The following ADK variants were observed in gnomAD, a reference collection of about 807,000 sequenced individuals.
ADK encodes adenosine kinase, also known as N6,N6-dimethyladenosine kinase.
Under a neutral mutation model 44.7 loss-of-function variants are expected in ADK, and 24 were observed. The ratio of observed to expected loss-of-function variants is 0.54; its 90% CI spans 0.39 to 0.76. The LOEUF (loss-of-function observed/expected upper bound fraction) is 0.76. Ranked by LOEUF, ADK falls within the 30% of genes least tolerant of loss-of-function variation. The probability of loss-of-function intolerance (pLI) is 0.00; values close to 1 mark genes in which losing one functional copy is unlikely to be tolerated. For synonymous variants in ADK, 128 were observed against 142.6 expected (o/e 0.90, Z 0.73); for missense variants, 321 against 425.1 (o/e 0.76, Z 2.15).
intron 3 of ADK, among the ~76,000 whole-genome samples, chr10:74,312,122 C>T (rs546158955): frequency 7.2e-5 from 11 of 152,140 alleles, no homozygotes; most frequent in East Asian, 5.8e-4. Context: ...GCCGAGATCG[C>T]GCCAGTGCAC....
intron 3 of ADK, among the ~76,000 whole-genome samples, chr10:74,232,892 G>A (rs1250908121): frequency 6.6e-6 from 1 of 152,176 alleles, no homozygotes; most frequent in East Asian, 1.9e-4. Context: ...CCAAAGTGCT[G>A]AGATTACAGG....
chr10:74,334,783 C>G (rs778966236), intron 4 of ADK, among the ~76,000 whole-genome samples: 1 of 152,024 alleles, frequency 6.6e-6, no homozygotes, highest in Non-Finnish European at 1.5e-5. Context: ...GGGCTGGTCT[C>G]CAGAGCAGAC....
At chr10:74,210,282 T>G (rs1843762080) in intron 2 of ADK, among the ~76,000 whole-genome samples, 1 of 140,766 alleles carries the variant, frequency 7.1e-6, no homozygotes. Flanking sequence ...GAACCGAGAT[T>G]GCGCCACTGC....
At chr10:74,205,348 T>A (rs1318958674) in intron 2 of ADK, among the ~76,000 whole-genome samples, 2 of 152,128 alleles carry the variant, frequency 1.3e-5, no homozygotes, top group Non-Finnish European at 2.9e-5. Flanking sequence ...AATTAAGTAG[T>A]GTACCAGGAA....
chr10:74,181,928 C>T (rs1842572903), intron 1 of ADK, among the ~76,000 whole-genome samples: 1 of 152,158 alleles, frequency 6.6e-6, no homozygotes, highest in Admixed American at 6.5e-5. Context: ...CAGGTTTGGT[C>T]TAAAACTATT....
chr10:74,371,497 C>T (rs1842656449), intron 4 of ADK: 1 of 706,326 alleles, frequency 1.4e-6, no homozygotes, highest in African/African-American at 1.8e-5. Flanking sequence ...GGCGTTCTTT[C>T]TGGATTCCCA....
At chr10:74,371,179 A>G (rs1301340978) in intron 4 of ADK, among the ~76,000 whole-genome samples, 1 of 152,206 alleles carries the variant, frequency 6.6e-6, no homozygotes, top group Non-Finnish European at 1.5e-5. Flanking sequence ...AAATCAGTCT[A>G]GGATTGGAAG....
chr10:74,277,637 G>T (rs1277298979), intron 3 of ADK, among the ~76,000 whole-genome samples: 4 of 152,126 alleles, frequency 2.6e-5, no homozygotes, highest in African/African-American at 9.7e-5. Flanking sequence ...CTGACCTCGT[G>T]ATCCACCTGC....
intron 3 of ADK, among the ~76,000 whole-genome samples, chr10:74,226,572 G>A (rs1844551967): frequency 6.6e-6 from 1 of 151,590 alleles, no homozygotes; most frequent in Non-Finnish European, 1.5e-5. Context: ...GAAGTAAATT[G>A]TAGACATCAA....
At chr10:74,445,333 G>C (rs957082519) in intron 6 of ADK, among the ~76,000 whole-genome samples, 1 of 151,742 alleles carries the variant, frequency 6.6e-6, no homozygotes, top group Non-Finnish European at 1.5e-5. Context: ...AACACCTTAT[G>C]TTTCTTATTA....
intron 1 of ADK, among the ~76,000 whole-genome samples, chr10:74,182,119 A>G (rs187816793): frequency 6.6e-6 from 1 of 152,212 alleles, no homozygotes; most frequent in Non-Finnish European, 1.5e-5. Context: ...GAACATTCAT[A>G]TGGAGACTAA....
intron 3 of ADK, among the ~76,000 whole-genome samples, chr10:74,275,015 T>C (rs532155682): frequency 6.6e-6 from 1 of 151,928 alleles, no homozygotes; most frequent in East Asian, 1.9e-4. Context: ...TGAGGGCCAG[T>C]AAATCATTTA....
In ADK at chr10:74,190,739, A is replaced by G. The variant is rs145198987; in HGVS notation, c.66-10025A>G. Among the ~76,000 whole-genome samples, 6 of 152,106 alleles carry G rather than the reference A, an allele frequency of 3.9e-5. No homozygotes were observed. The East Asian group carries it at 1.2e-3, about 29-fold the overall frequency. On this transcript the variant is annotated intron_variant, in intron 1 of 10. Transcript: ENST00000539909. ...ACTCTGAAAATGGGACTTTGAAGGA[A>G]CTCTAGCCCTGTTCTGTCACCTCCA...
chr10:74,264,930 C>G (rs529432713), intron 3 of ADK, among the ~76,000 whole-genome samples: 1 of 152,094 alleles, frequency 6.6e-6, no homozygotes, highest in Non-Finnish European at 1.5e-5. Context: ...CTATTTGTCC[C>G]TATACCAATG....
chr10:74,318,128 C>CA (rs1840689465), intron 4 of ADK, among the ~76,000 whole-genome samples: 1 of 151,810 alleles, frequency 6.6e-6, no homozygotes, highest in Non-Finnish European at 1.5e-5. Context: ...AAACACATAC[C>CA]AAAAAAATAC....
In ADK at chr10:74,196,775, T is replaced by C. The variant is rs558221231; in HGVS notation, c.66-3989T>C. On this transcript the variant is annotated intron_variant, in intron 1 of 10. Transcript: ENST00000539909. ...AAATAACCTGTACAACAAACCCCCA[T>C]GACACAAGTTTACCTATGTAACAGA... Among the ~76,000 whole-genome samples the C allele has an allele frequency of 2.1e-3, 319 of 152,256 alleles. 1 individual carries two copies. Among genetic ancestry groups the C allele is most frequent in the South Asian group, 3.9e-3 (19 of 4,830 alleles).
intron 4 of ADK, among the ~76,000 whole-genome samples, chr10:74,362,100 A>T (rs574567314): frequency 2.0e-5 from 3 of 152,068 alleles, no homozygotes; most frequent in Admixed American, 6.5e-5. Flanking sequence ...CTGAATATTT[A>T]TATCTTTTTT....
chr10:74,176,785 G>C, intron 1 of ADK: 1 of 1,588,034 alleles, frequency 6.3e-7, no homozygotes, highest in Non-Finnish European at 8.5e-7. Flanking sequence ...CCTGAGCCGG[G>C]AAGCAGTTGC....
At chr10:74,625,669 C>T (rs539427343) in intron 9 of ADK, among the ~76,000 whole-genome samples, 1 of 151,978 alleles carries the variant, frequency 6.6e-6, no homozygotes, top group South Asian at 2.1e-4. Context: ...GATGAACAAT[C>T]CCATGGGGTT....
Sources: allele counts gnomAD v4.1 joint callset (sites outside exome capture counted in the v4.1 genomes callset), GRCh38; gene constraint gnomAD v4.1.1; transcripts MANE v1.5; gene names NCBI Gene and HGNC (gene_info 2026-07-23, HGNC 2026-07-21).